Variants in KAZN observed in about 807,000 individuals in gnomAD.
KAZN encodes kazrin, periplakin interacting protein.
KAZN carries 40 observed loss-of-function variants against 87.4 expected under a neutral mutation model. That is an observed-to-expected ratio of 0.46 (90% CI 0.36 to 0.60). KAZN has a LOEUF of 0.60. Among genes scored for constraint, KAZN ranks in the 20% least tolerant of loss-of-function variants. The probability of loss-of-function intolerance (pLI) is 0.00; values close to 1 mark genes in which losing one functional copy is unlikely to be tolerated. For missense variants in KAZN, 898 were observed against 1,073.9 expected (o/e 0.84, Z 2.29); for synonymous variants, 466 against 458.3 (o/e 1.02, Z -0.22).
At chr1:14,741,030 C>T (rs764177566) in intron 1 of KAZN, among the ~76,000 whole-genome samples, 3 of 152,152 alleles carry the variant, frequency 2.0e-5, no homozygotes, top group Non-Finnish European at 4.4e-5. Flanking sequence ...GGTGCAGCCT[C>T]CAGGCAGCTG....
At chr1:14,196,380 A>G (rs946155411) in intron 2 of KAZN, among the ~76,000 whole-genome samples, 3 of 152,244 alleles carry the variant, frequency 2.0e-5, no homozygotes, top group African/African-American at 7.2e-5. Context: ...ATTAGGAGAC[A>G]GTAACCCAGA....
chr1:14,487,446 A>G (rs995821364), intron 2 of KAZN, among the ~76,000 whole-genome samples: 5 of 152,150 alleles, frequency 3.3e-5, no homozygotes, highest in Non-Finnish European at 5.9e-5. Context: ...CCCCAGCCTC[A>G]CACCCCAAAG....
intron 1 of KAZN, among the ~76,000 whole-genome samples, chr1:13,995,968 A>G (rs1291532526): frequency 6.6e-6 from 1 of 152,206 alleles, no homozygotes; most frequent in African/African-American, 2.4e-5. Context: ...GAACCATAAT[A>G]AGTGAAAAGA....
intron 2 of KAZN, among the ~76,000 whole-genome samples, chr1:14,978,751 C>A (rs931878497): frequency 6.6e-6 from 1 of 152,030 alleles, no homozygotes; most frequent in Non-Finnish European, 1.5e-5. Flanking sequence ...GGGGCTTTGC[C>A]AGGCAGAGGC....
chr1:14,120,794 G>T (rs1020513416), intron 1 of KAZN, among the ~76,000 whole-genome samples: 4 of 152,180 alleles, frequency 2.6e-5, no homozygotes, highest in Non-Finnish European at 4.4e-5. Flanking sequence ...CCAACCCCCT[G>T]TCTGTGTGTC....
chr1:14,831,683 A>G (rs1470759734), intron 1 of KAZN, among the ~76,000 whole-genome samples: 1 of 152,132 alleles, frequency 6.6e-6, no homozygotes, highest in Non-Finnish European at 1.5e-5. Flanking sequence ...ATACATCCCT[A>G]TCTGGACTCT....
chr1:15,086,853 A>T (rs1231964679), intron 8 of KAZN, among the ~76,000 whole-genome samples: 1 of 152,272 alleles, frequency 6.6e-6, no homozygotes, highest in Non-Finnish European at 1.5e-5. Context: ...AAGGGTAATC[A>T]TTAAGGCCGT....
intron 2 of KAZN, among the ~76,000 whole-genome samples, chr1:14,453,484 T>C (rs896660025): frequency 6.6e-6 from 1 of 152,192 alleles, no homozygotes; most frequent in South Asian, 2.1e-4. Flanking sequence ...AGTACTACTC[T>C]AAGACATCTG....
At chr1:14,839,439 T>C (rs1423883305) in intron 1 of KAZN, among the ~76,000 whole-genome samples, 1 of 152,206 alleles carries the variant, frequency 6.6e-6, no homozygotes, top group African/African-American at 2.4e-5. Flanking sequence ...GGATCATTTT[T>C]AAGTAGCATA....
At chr1:14,835,027 G>A (rs1286735089) in intron 1 of KAZN, among the ~76,000 whole-genome samples, 1 of 152,218 alleles carries the variant, frequency 6.6e-6, no homozygotes, top group Non-Finnish European at 1.5e-5. Context: ...AGTTAAAGCA[G>A]GCTTATTTTG....
intron 1 of KAZN, among the ~76,000 whole-genome samples, chr1:14,088,687 T>C (rs1643906333): frequency 6.6e-6 from 1 of 152,046 alleles, no homozygotes; most frequent in African/African-American, 2.4e-5. Flanking sequence ...ATATCTTTAC[T>C]GATGTTATCT....
intron 1 of KAZN, among the ~76,000 whole-genome samples, chr1:14,726,484 C>G (rs1407132868): frequency 6.6e-6 from 1 of 152,216 alleles, no homozygotes; most frequent in African/African-American, 2.4e-5. Context: ...GTCATCCATG[C>G]TTCCCTCAGT....
At chr1:14,055,861 A>G (rs1642530515) in intron 1 of KAZN, among the ~76,000 whole-genome samples, 1 of 152,194 alleles carries the variant, frequency 6.6e-6, no homozygotes, top group Non-Finnish European at 1.5e-5. Context: ...TTTGCAAAAG[A>G]GAATGTTAAA....
intron 2 of KAZN, among the ~76,000 whole-genome samples, chr1:14,259,881 G>A (rs1003262612): frequency 1.3e-5 from 2 of 152,196 alleles, no homozygotes; most frequent in African/African-American, 4.8e-5. Context: ...TACCAGAGCT[G>A]CAGAGATATT....
chr1:14,433,544 T>C (rs896735910), intron 2 of KAZN, among the ~76,000 whole-genome samples: 4 of 152,142 alleles, frequency 2.6e-5, no homozygotes, highest in African/African-American at 9.7e-5. Context: ...GCTGTTGTAA[T>C]GGAATTAGTG....
At chr1:13,935,476 C>T (rs903593810) in intron 1 of KAZN, among the ~76,000 whole-genome samples, 7 of 152,154 alleles carry the variant, frequency 4.6e-5, no homozygotes, top group Non-Finnish European at 1.0e-4. Context: ...TGCTATGCTG[C>T]CACCATCCTA....
At chr1:14,430,034 A>C (rs1054268188) in intron 2 of KAZN, among the ~76,000 whole-genome samples, 1 of 152,064 alleles carries the variant, frequency 6.6e-6, no homozygotes, top group African/African-American at 2.4e-5. Flanking sequence ...CACACCAGGC[A>C]GCCTCCAACT....
At chr1:14,299,453 A>T (rs559941875) in intron 2 of KAZN, among the ~76,000 whole-genome samples, 2 of 151,966 alleles carry the variant, frequency 1.3e-5, no homozygotes, top group African/African-American at 4.8e-5. Context: ...CAGTGAGCCG[A>T]GATCACACCA....
intron 2 of KAZN, among the ~76,000 whole-genome samples, chr1:14,450,244 A>G (rs1252435223): frequency 6.6e-6 from 1 of 152,070 alleles, no homozygotes; most frequent in Non-Finnish European, 1.5e-5. Context: ...AAATGATTTG[A>G]GGAATAGGAT....
Sources: allele counts gnomAD v4.1 joint callset (sites outside exome capture counted in the v4.1 genomes callset), GRCh38; gene constraint gnomAD v4.1.1; transcripts MANE v1.5; gene names NCBI Gene and HGNC (gene_info 2026-07-23, HGNC 2026-07-21).